The following TACC2 variants were observed in gnomAD, a reference collection of about 807,000 sequenced individuals.
TACC2 encodes the protein transforming acidic coiled-coil containing protein 2, also known as transforming acidic coiled-coil-containing protein 2.
Under a neutral mutation model 227.3 loss-of-function variants are expected in TACC2, and 137 were observed. That is an observed-to-expected ratio of 0.60 (90% CI 0.52 to 0.69). TACC2 has a LOEUF of 0.69. Among genes scored for constraint, TACC2 ranks in the 30% least tolerant of loss-of-function variants. TACC2 has a pLI of 0.00. For missense variants in TACC2, 3,470 were observed against 3,694.4 expected, an observed-to-expected ratio of 0.94 and a Z score of 1.57; for synonymous variants, 1,523 against 1,487.5, an observed-to-expected ratio of 1.02 and a Z score of -0.55.
At chr10:122,148,207 A>C (rs1310945479) in intron 7 of TACC2, among the ~76,000 whole-genome samples, 1 of 149,710 alleles carries the variant, frequency 6.7e-6, no homozygotes, top group Non-Finnish European at 1.5e-5. Flanking sequence ...GGGTTTAAGC[A>C]GTTCTCCTGC....
chr10:122,128,246 A>G (rs929519965), intron 5 of TACC2, among the ~76,000 whole-genome samples: 2 of 152,142 alleles, frequency 1.3e-5, no homozygotes, highest in South Asian at 2.1e-4. Flanking sequence ...AGTCCCCTCA[A>G]CTTCACATAC....
rs534039889 is a variant in TACC2, at chr10:122,050,339, A to C, written c.34-99A>C. On this transcript the variant is annotated intron_variant, in intron 2 of 22. Transcript: ENST00000369005. The surrounding 1 kb of genome is among the most constrained non-coding windows in gnomAD (Gnocchi z 4.6). Reference sequence around the variant, plus strand: ...GACGGCAGAGCAAGTGAACAACCTTACCTTGAATGCTGTGGTGGGTGCCCT... The same window carrying C: ...GACGGCAGAGCAAGTGAACAACCTTCCCTTGAATGCTGTGGTGGGTGCCCT... 7.9e-6 allele frequency: 7 copies of C among 884,268 alleles called. No individual in the cohort carries two copies. In the East Asian group the frequency reaches 1.8e-4, roughly 23 times the overall value. The allele number at this position is 884,268 out of a possible 1,614,324, so 54.8% of individuals were successfully genotyped here.
chr10:122,227,325 T>C (rs1293097977), intron 13 of TACC2, among the ~76,000 whole-genome samples: 1 of 152,230 alleles, frequency 6.6e-6, no homozygotes, highest in Non-Finnish European at 1.5e-5. Context: ...TGCCTGCCCC[T>C]TTAAGCAGGA....
At chr10:122,029,303 C>A (rs780135585) in intron 2 of TACC2, among the ~76,000 whole-genome samples, 1 of 151,820 alleles carries the variant, frequency 6.6e-6, no homozygotes, top group African/African-American at 2.4e-5. Flanking sequence ...TATGATCTTT[C>A]TTCTTTGGCC....
chr10:122,070,822 G>T (rs1045277882), intron 3 of TACC2, among the ~76,000 whole-genome samples: 1 of 151,880 alleles, frequency 6.6e-6, no homozygotes, highest in Admixed American at 6.6e-5. Context: ...CTACTCGGGA[G>T]GCTGAGGTGG....
At chr10:122,111,804 TTC>T (rs1383222197) in intron 5 of TACC2, among the ~76,000 whole-genome samples, 1 of 152,172 alleles carries the variant, frequency 6.6e-6, no homozygotes, top group African/African-American at 2.4e-5. Flanking sequence ...GGCATTTCCA[TTC>T]TCTCTTCACC....
At chr10:122,216,380 A>ATTT (rs60334067) in intron 10 of TACC2, among the ~76,000 whole-genome samples, 38 of 148,658 alleles carry the variant, frequency 2.6e-4, no homozygotes, top group Non-Finnish European at 3.0e-4. Context: ...CAAAATCCTG[A>ATTT]TTTTTTTTTT....
intron 18 of TACC2, among the ~76,000 whole-genome samples, chr10:122,239,641 C>CT (rs1489776044): frequency 6.6e-6 from 1 of 152,166 alleles, no homozygotes; most frequent in Non-Finnish European, 1.5e-5. Flanking sequence ...AGTTCTGTCT[C>CT]TAATTTCTTT....
At chr10:122,082,073 T>A (rs1381436306) in intron 3 of TACC2, among the ~76,000 whole-genome samples, 1 of 131,156 alleles carries the variant, frequency 7.6e-6, no homozygotes, top group African/African-American at 2.9e-5. Flanking sequence ...TCCAGCACTT[T>A]GGGAGGCTGA....
At chr10:122,039,312 G>A (rs2073965996) in intron 2 of TACC2, among the ~76,000 whole-genome samples, 2 of 152,162 alleles carry the variant, frequency 1.3e-5, no homozygotes, top group East Asian at 1.9e-4. Flanking sequence ...TTCTGGGCTT[G>A]TGGAAGGAAA....
chr10:122,051,926 G>C (rs921733557), intron 3 of TACC2: 8 of 151,966 alleles, frequency 5.3e-5, no homozygotes, highest in Non-Finnish European at 2.9e-5. Context: ...GATTTCTTTA[G>C]GGAAATGGCA....
chr10:122,013,626 C>A (rs537469470), intron 1 of TACC2, among the ~76,000 whole-genome samples: 2 of 152,208 alleles, frequency 1.3e-5, no homozygotes, highest in African/African-American at 4.8e-5. Flanking sequence ...TGAGCTCCCC[C>A]TCGATGAGCA....
intron 2 of TACC2, among the ~76,000 whole-genome samples, chr10:122,037,828 C>G (rs1591342681): frequency 6.6e-6 from 1 of 152,194 alleles, no homozygotes; most frequent in African/African-American, 2.4e-5. Flanking sequence ...GCTCATTATT[C>G]TGGATGGGGC....
intron 7 of TACC2, among the ~76,000 whole-genome samples, chr10:122,192,139 C>T (rs1026893616): frequency 2.0e-5 from 3 of 152,134 alleles, no homozygotes; most frequent in Non-Finnish European, 1.5e-5. Context: ...CAGGCAGCAC[C>T]GGAAGTGAAT....
intron 3 of TACC2, among the ~76,000 whole-genome samples, chr10:122,061,364 G>GTGGGACCAT (rs1454064661): frequency 6.6e-6 from 1 of 151,826 alleles, no homozygotes; most frequent in Non-Finnish European, 1.5e-5. Context: ...GACTGGGCAG[G>GTGGGACCAT]TGGGACCATA....
At chr10:122,149,964 T>G (rs1202031580) in intron 7 of TACC2, among the ~76,000 whole-genome samples, 1 of 152,220 alleles carries the variant, frequency 6.6e-6, no homozygotes, top group Non-Finnish European at 1.5e-5. Context: ...ATGGGTCCCC[T>G]GGTTCCCGCT....
At chr10:122,009,752 C>G (rs949451489) in intron 1 of TACC2, among the ~76,000 whole-genome samples, 1 of 151,836 alleles carries the variant, frequency 6.6e-6, no homozygotes, top group Non-Finnish European at 1.5e-5. Context: ...TTGATGAAAC[C>G]CCATCTCTAC....
intron 5 of TACC2, 68 bp downstream of exon 5, chr10:122,088,659 T>C (rs1465997748): frequency 2.5e-6 from 4 of 1,570,256 alleles, no homozygotes; most frequent in Non-Finnish European, 3.5e-6. Flanking sequence ...ACTGGATGTT[T>C]TGGAAAGGAG....
chr10:122,151,299 G>A (rs2092013342), intron 7 of TACC2, among the ~76,000 whole-genome samples: 1 of 152,188 alleles, frequency 6.6e-6, no homozygotes, highest in Admixed American at 6.5e-5. Context: ...AGTTGGGAAG[G>A]CTTCCCAGAG....
Sources: gnomAD v4.1 joint callset for allele counts (sites outside exome capture counted in the v4.1 genomes callset) on GRCh38, gnomAD v4.1.1 for gene constraint, Gnocchi (gnomAD v3.1) non-coding constraint, MANE v1.5 for transcripts, NCBI Gene and HGNC (gene_info 2026-07-23, HGNC 2026-07-21) for gene names.